RASAL2: variants seen among roughly 807,000 people sequenced by gnomAD.
RASAL2 encodes RAS protein activator like 2.
A neutral mutation model predicts 128.9 loss-of-function variants in RASAL2; 58 were observed. The observed-to-expected ratio is 0.45, with a 90% confidence interval of 0.36 to 0.56. The LOEUF (loss-of-function observed/expected upper bound fraction) is 0.56, where lower values mean the gene tolerates loss of function less well. RASAL2 is among the 20% of genes least tolerant of loss of function. The pLI, the probability that RASAL2 is intolerant of heterozygous loss-of-function variation, is 0.00. For missense variants in RASAL2, 1,360 were observed against 1,601.6 expected (o/e 0.85, Z 2.57); for synonymous variants, 561 against 580.8 (o/e 0.97, Z 0.49).
intron 1 of RASAL2, among the ~76,000 whole-genome samples, chr1:178,180,228 C>A (rs2101926858): frequency 6.6e-6 from 1 of 152,198 alleles, no homozygotes; most frequent in East Asian, 1.9e-4. Flanking sequence ...TACTTAGCTT[C>A]TTTCATAAGG....
intron 2 of RASAL2, among the ~76,000 whole-genome samples, chr1:178,289,550 A>G (rs1399932583): frequency 4.6e-5 from 7 of 151,976 alleles, no homozygotes; most frequent in Non-Finnish European, 1.0e-4. Flanking sequence ...CTTGGGCTCA[A>G]GTGATCCTTC....
chr1:178,342,612 A>G (rs1055416124), intron 3 of RASAL2, among the ~76,000 whole-genome samples: 1 of 152,230 alleles, frequency 6.6e-6, no homozygotes, highest in Non-Finnish European at 1.5e-5. Flanking sequence ...ATTAGTTTGT[A>G]CGCTGCTTTT....
intron 3 of RASAL2, among the ~76,000 whole-genome samples, chr1:178,355,464 A>G (rs1366938643): frequency 2.6e-5 from 4 of 152,192 alleles, no homozygotes; most frequent in Non-Finnish European, 5.9e-5. Context: ...TTTCTTAACA[A>G]TTTACATAAA....
At chr1:178,111,035 A>T (rs1659300635) in intron 1 of RASAL2, among the ~76,000 whole-genome samples, 1 of 152,136 alleles carries the variant, frequency 6.6e-6, no homozygotes, top group African/African-American at 2.4e-5. Context: ...GTGGAATTGT[A>T]TGATATATAC....
chr1:178,348,480 G>T (rs1670265531), intron 3 of RASAL2, among the ~76,000 whole-genome samples: 1 of 151,946 alleles, frequency 6.6e-6, no homozygotes, highest in African/African-American at 2.4e-5. Flanking sequence ...TTATTTTTTT[G>T]TAAAGATGGG....
At chr1:178,377,395 G>A (rs1420152317) in intron 3 of RASAL2, among the ~76,000 whole-genome samples, 1 of 151,768 alleles carries the variant, frequency 6.6e-6, no homozygotes, top group African/African-American at 2.4e-5. Flanking sequence ...GGAAGGAAAG[G>A]AAGTCCCCAG....
At chr1:178,396,369 A>T (rs531529558) in intron 4 of RASAL2, among the ~76,000 whole-genome samples, 55 of 152,246 alleles carry the variant, frequency 3.6e-4, no homozygotes, top group Admixed American at 7.8e-4. Flanking sequence ...TTTAATGGGC[A>T]AGGGGAAACA....
rs1571835500 is a variant in RASAL2 at position 178,312,248 on chromosome 1, G to C, written c.457+12130G>C. ...GTTCCCATGACAAGTCACATTTCAT[G>C]AAATTCTAAATTGTCTCTAGTGACA... On this transcript the variant is annotated intron_variant, in intron 3 of 17. Coordinates refer to ENST00000367649, the MANE Select transcript of RASAL2 (RefSeq NM_170692.4). Among the ~76,000 whole-genome samples the C allele has an allele frequency of 2.0e-5, 3 of 152,236 alleles. No homozygotes were observed. The East Asian group carries it at 5.8e-4, about 29-fold the overall frequency.
chr1:178,227,195 TAA>T (rs952948812), intron 1 of RASAL2, among the ~76,000 whole-genome samples: 1 of 144,008 alleles, frequency 6.9e-6, no homozygotes, highest in Non-Finnish European at 1.5e-5. Context: ...ACTTCCAGTT[TAA>T]AAAAAAAAAA....
chr1:178,390,449 A>G (rs148317751), intron 4 of RASAL2, among the ~76,000 whole-genome samples: 57 of 151,938 alleles, frequency 3.8e-4, no homozygotes, highest in African/African-American at 1.3e-3. Context: ...GCGCGATAAC[A>G]CTCACTGCAA....
chr1:178,413,039 TTCCGTCTGTCCA>T (rs1023851043), intron 4 of RASAL2, among the ~76,000 whole-genome samples: 6 of 151,886 alleles, frequency 4.0e-5, no homozygotes, highest in African/African-American at 1.5e-4. Context: ...CCTTCCTTCC[TTCCGTCTGTCCA>T]TCCGTCTGTC....
At chr1:178,104,701 T>C (rs1659025960) in intron 1 of RASAL2, among the ~76,000 whole-genome samples, 1 of 152,204 alleles carries the variant, frequency 6.6e-6, no homozygotes, top group African/African-American at 2.4e-5. Flanking sequence ...ATAAATTTTA[T>C]ATAATACCTT....
intron 1 of RASAL2, among the ~76,000 whole-genome samples, chr1:178,189,530 A>C (rs962053105): frequency 1.3e-5 from 2 of 152,202 alleles, no homozygotes; most frequent in African/African-American, 4.8e-5. Context: ...AGTAAAGGCC[A>C]CAGCATTTCT....
intron 2 of RASAL2, 71 bp from the exon 3 acceptor site, chr1:178,299,921 C>T: frequency 6.6e-7 from 1 of 1,512,848 alleles, no homozygotes; most frequent in Non-Finnish European, 9.0e-7. Context: ...TTGACTAAAA[C>T]CATTATTCAA....
At chr1:178,385,995 C>T (rs1557947367) in intron 3 of RASAL2, among the ~76,000 whole-genome samples, 2 of 152,076 alleles carry the variant, frequency 1.3e-5, no homozygotes, top group South Asian at 2.1e-4. Context: ...ACACTTGTCA[C>T]CTTCTAACTT....
chr1:178,198,113 G>T (rs567183641), intron 1 of RASAL2, among the ~76,000 whole-genome samples: 2 of 152,252 alleles, frequency 1.3e-5, no homozygotes, highest in South Asian at 4.1e-4. Flanking sequence ...TGGACATTTG[G>T]GTTGGTTCCA....
chr1:178,456,341 G>A, intron 12 of RASAL2: 2 of 259,794 alleles, frequency 7.7e-6, no homozygotes, highest in East Asian at 1.6e-4. Flanking sequence ...AAGGAATTTG[G>A]TTCTGCCTCC....
At chr1:178,409,635 G>A (rs369490589) in intron 4 of RASAL2, among the ~76,000 whole-genome samples, 1 of 152,282 alleles carries the variant, frequency 6.6e-6, no homozygotes, top group African/African-American at 2.4e-5. Context: ...TATCTTATAG[G>A]CAGAACTCTT....
intron 5 of RASAL2, among the ~76,000 whole-genome samples, chr1:178,435,478 A>G (rs1676198390): frequency 6.6e-6 from 1 of 152,086 alleles, no homozygotes; most frequent in Non-Finnish European, 1.5e-5. Context: ...TCATATAGGG[A>G]TGAGGATTCA....
Sources: gnomAD v4.1 joint callset for allele counts (sites outside exome capture counted in the v4.1 genomes callset) on GRCh38, gnomAD v4.1.1 for gene constraint, MANE v1.5 for transcripts, NCBI Gene and HGNC (gene_info 2026-07-23, HGNC 2026-07-21) for gene names.